Variants in KANK3 observed in about 807,000 individuals in gnomAD.
KANK3 encodes KN motif and ankyrin repeat domain-containing protein 3.
A neutral mutation model predicts 65.4 loss-of-function variants in KANK3; 61 were observed. The observed-to-expected ratio is 0.93, with a 90% CI of 0.76 to 1.15. The LOEUF (loss-of-function observed/expected upper bound fraction) is 1.15, where lower values mean the gene tolerates loss of function less well. KANK3 is among the 50% of genes most tolerant of loss of function. KANK3 has a pLI of 0.00. For missense variants in KANK3, 1,187 were observed against 1,178.8 expected (o/e 1.01, Z -0.10); for synonymous variants, 586 against 543.3 (o/e 1.08, Z -1.09).
chr19:8,335,446 G>T lies in KANK3; in HGVS notation c.381C>A (p.Asn127Lys). 8.2e-7 allele frequency: 1 copy of T among 1,223,118 alleles called. No individual in the cohort carries two copies. Among genetic ancestry groups the T allele is most frequent in the Non-Finnish European group, 1.0e-6 (1 of 980,528 alleles). The allele number at this position is 1,223,118 out of a possible 1,614,324, so 75.8% of individuals were successfully genotyped here. Residue 127 changes from asparagine (N) to lysine (K), a missense_variant, in exon 3 of 11, where the codon AAC becomes AAA. Physicochemically the swap from Asn to Lys is moderately conservative, Grantham distance 94. This residue lies in a region of KANK3 where 1,078 missense variants were observed against 1,038.2 expected (regional missense o/e 1.04). Coordinates refer to ENST00000330915, the MANE Select transcript of KANK3 (RefSeq NM_198471.3). ...QPLSPRAPVR[N>K]PRVEHTLRET... Reference sequence around the variant, plus strand: ...CCCGGAGCGTGTGCTCGACGCGCGGGTTGCGCACGGGCGCGCGCGGCGACA... The same window carrying T: ...CCCGGAGCGTGTGCTCGACGCGCGGTTTGCGCACGGGCGCGCGCGGCGACA...
At chr19:8,326,631 C>CAAAAAA (rs1206711323) in intron 7 of KANK3, among the ~76,000 whole-genome samples, 61 of 128,418 alleles carry the variant, frequency 4.8e-4, no homozygotes, top group African/African-American at 1.7e-3. Flanking sequence ...ACTAAAAATA[C>CAAAAAA]AAAAAAAAAA....
In KANK3 at chr19:8,333,971, C is replaced by A. The variant is rs542991221; in HGVS notation, c.1573G>T (p.Gly525Trp). The change falls in exon 5 of 11, where the codon GGG becomes TGG. Residue 525 changes from glycine to tryptophan, a missense_variant. Transcript: ENST00000330915. The surrounding 1 kb of genome is among the most constrained non-coding windows in gnomAD (Gnocchi z 5.0). ...DSGTPGPPSG[G>W]DIRDPEPEAE... ...TCGGGCTCAGGGTCCCGGATGTCCC[C>A]GCCGCTGGGAGGGCCAGGGGTGCCC... is the stretch of plus-strand genomic sequence containing the variant. The A allele has an allele frequency of 3.2e-6, 5 of 1,569,496 alleles. No homozygotes were observed. The African/African-American group carries it at 6.8e-5, about 21-fold the overall frequency.
rs1280586764 is a variant in KANK3 at position 8,324,501 on chromosome 19, T to A, written c.2330A>T (p.Glu777Val). Residue 777 changes from glutamate to valine, a missense_variant, in exon 10 of 11, where the codon GAG becomes GTG. By Grantham distance (121) the Glu-to-Val change is moderately radical. Transcript: ENST00000330915. Reference protein sequence around the residue: ...LAIALEAEQDEVAALLHAHLS... With the variant: ...LAIALEAEQDVVAALLHAHLS... ...GTGGGCATGTAGCAGAGCGGCCACC[T>A]CATCCTGCTCAGCCTCCAGGGCGAT... 1 of 1,613,270 alleles carries A rather than the reference T, an allele frequency of 6.2e-7. No homozygotes were observed. Among genetic ancestry groups the A allele is most frequent in the Non-Finnish European group, 8.5e-7 (1 of 1,179,688 alleles).
chr19:8,338,873 CAAAAAA>C (rs35505826), intron 1 of KANK3, among the ~76,000 whole-genome samples: 4 of 18,908 alleles, frequency 2.1e-4, no homozygotes, highest in African/African-American at 6.8e-4. Flanking sequence ...GATTCCGTCT[CAAAAAA>C]AAAAAAAAAA....
chr19:8,332,987 T>TTGGGGGGGC, intron 7 of KANK3, 27 bp downstream of exon 7: 2 of 395,194 alleles, frequency 5.1e-6, no homozygotes, highest in Non-Finnish European at 9.5e-6. Flanking sequence ...TTTCCTGGTG[T>TTGGGGGGGC]CCCACCCACC....
Position 8,335,349 on chromosome 19 carries a change from T to C in KANK3, c.478A>G (p.Ser160Gly). 8.4e-7 allele frequency: 1 copy of C among 1,194,042 alleles called. No individual in the cohort carries two copies. Among genetic ancestry groups the C allele is most frequent in the Non-Finnish European group, 1.0e-6 (1 of 964,116 alleles). 74.0% of individuals were successfully genotyped at this position (1,194,042 alleles called of 1,614,324 possible). ...APSPGRGVPR[S>G]PRGSGRSSPA... Reference sequence around the variant, plus strand: ...CTGCTGCGGCCGGACCCGCGTGGGCTGCGCGGGACCCCGCGGCCGGGGCTG... The same window carrying C: ...CTGCTGCGGCCGGACCCGCGTGGGCCGCGCGGGACCCCGCGGCCGGGGCTG... The change falls in exon 3 of 11, where the codon AGC becomes GGC. Residue 160 changes from serine to glycine, a missense_variant. Physicochemically the swap from Ser to Gly is moderately conservative, Grantham distance 56 (BLOSUM62 0). Transcript: ENST00000330915.
intron 7 of KANK3, among the ~76,000 whole-genome samples, chr19:8,327,506 C>T (rs1970449468): frequency 6.6e-6 from 1 of 152,132 alleles, no homozygotes. Flanking sequence ...TGGTGTGCGC[C>T]TGTAGTCCCA....
intron 2 of KANK3, among the ~76,000 whole-genome samples, chr19:8,336,589 CATAT>C (rs1970642773): frequency 4.3e-5 from 2 of 46,674 alleles, no homozygotes; most frequent in Non-Finnish European, 8.3e-5. Flanking sequence ...TATATATACA[CATAT>C]ACATATATAT....
intron 7 of KANK3, 124 bp from the exon 8 acceptor site, chr19:8,325,220 A>G (rs757623990): frequency 1.8e-4 from 183 of 1,017,152 alleles, no homozygotes; most frequent in Non-Finnish European, 2.4e-4. Context: ...TTCTCCCCAC[A>G]ATAGCTACCT....
chr19:8,335,219 TG>T lies in KANK3; in HGVS notation c.607del (p.Gln203ArgfsTer138). 8.2e-7 allele frequency: 1 copy of T among 1,221,884 alleles called. No homozygotes were observed. Among genetic ancestry groups the T allele is most frequent in the Non-Finnish European group, 1.0e-6 (1 of 980,792 alleles). 75.7% of individuals were successfully genotyped at this position (1,221,884 alleles called of 1,614,324 possible). ...ALRRLRELED[Q>X]ARTLPELQEQ... ...CTGCAGCTCGGGCAGCGTTCGCGCC[TG>T]GTCCTCGAGCTCGCGCAGGCGCCGC... On this transcript the variant is annotated frameshift_variant, in exon 3 of 11. Coordinates refer to ENST00000330915, the MANE Select transcript of KANK3 (RefSeq NM_198471.3). LOFTEE classifies it high-confidence loss of function.
At chr19:8,328,265 G>T (rs1829804617) in intron 7 of KANK3, among the ~76,000 whole-genome samples, 2 of 151,960 alleles carry the variant, frequency 1.3e-5, no homozygotes, top group Non-Finnish European at 2.9e-5. Context: ...AATTTAAAAA[G>T]AATCACCCTT....
At position 8,334,321 on chromosome 19, in the gene KANK3, C is replaced by G; in HGVS notation, c.1426G>C (p.Glu476Gln). The change falls in exon 4 of 11, where the codon GAG (glutamate) becomes CAG (glutamine). Residue 476 changes from glutamate to glutamine, a missense_variant and splice_region_variant. Physicochemically the swap from Glu to Gln is conservative, Grantham distance 29 (BLOSUM62 2). Transcript: ENST00000330915. ...CCACAGGAGGGGAAAGGCGCTCACT[C>G]TCCGTTGAGGACCCCAACAAACTGC... ...SLQFVGVLNG[E>Q]YESSSSEDAS... The G allele has an allele frequency of 6.2e-7, 1 of 1,614,062 alleles. No individual in the cohort carries two copies. The highest frequency in any genetic ancestry group is 8.5e-7 in the Non-Finnish European group (1 of 1,179,994).
At position 8,333,208 on chromosome 19, in the gene KANK3, T is replaced by C; in HGVS notation, c.1742A>G (p.Gln581Arg). The change falls in exon 7 of 11, where the codon CAG becomes CGG. Residue 581 changes from glutamine (Q) to arginine (R), a missense_variant. Coordinates refer to ENST00000330915, the MANE Select transcript of KANK3 (RefSeq NM_198471.3). This position sits in a 1 kb window ranked among gnomAD's most constrained non-coding sequence, Gnocchi z 5.0. ...CTGGCTGGACACTCGAAACCACTCC[T>C]GGGCCACGAGGCGCACTGCGCCCTG... ...SDGGAVRLVA[Q>R]EWFRVSSQRR... The C allele has an allele frequency of 6.2e-7, 1 of 1,611,842 alleles. No individual in the cohort carries two copies. The highest frequency in any genetic ancestry group is 1.7e-4 in the Middle Eastern group (1 of 5,948).
In KANK3 at chr19:8,339,117, C is replaced by G. The variant is rs115781683; in HGVS notation, c.-28-1261G>C. On this transcript the variant is annotated intron_variant, in intron 1 of 10. Coordinates refer to ENST00000330915, the MANE Select transcript of KANK3 (RefSeq NM_198471.3). ...AACACCTGGGTTGTCAGAGCTGTGACTATTCATGGGGCTGCCTGGGAAAGT... is the reference window on the plus strand; with the variant it reads ...AACACCTGGGTTGTCAGAGCTGTGAGTATTCATGGGGCTGCCTGGGAAAGT... Among the ~76,000 whole-genome samples, 935 of 152,122 alleles carry G rather than the reference C, an allele frequency of 6.1e-3. 16 individuals carry two copies. The highest frequency in any genetic ancestry group is 0.022 in the African/African-American group (895 of 41,474).
chr19:8,343,073 G>A (rs1970741111), intron 1 of KANK3, among the ~76,000 whole-genome samples, 152 bp downstream of exon 1: 2 of 152,156 alleles, frequency 1.3e-5, no homozygotes, highest in African/African-American at 2.4e-5. Context: ...ATGTGGGAGG[G>A]GTCCCGGCCA....
chr19:8,342,254 A>G (rs1970730576), intron 1 of KANK3, among the ~76,000 whole-genome samples: 1 of 151,992 alleles, frequency 6.6e-6, no homozygotes, highest in Non-Finnish European at 1.5e-5. Context: ...TGACCTCCCA[A>G]AGTGCTGGGA....
At chr19:8,332,965 T>TCCAC in intron 7 of KANK3, 49 bp downstream of exon 7, 1 of 1,128,448 alleles carries the variant, frequency 8.9e-7, no homozygotes, top group Non-Finnish European at 1.3e-6. Flanking sequence ...CCCTGCCCTC[T>TCCAC]CCCCCCACCC....
rs1044076450 is a variant in KANK3, at chr19:8,333,670, G to A, written c.1719+54C>T. ...TGTGCTCCCCTAAGTGGGCGTCAGAGGTCCTTGGAGGCTCCCACGCCACTC... is the reference window on the plus strand; with the variant it reads ...TGTGCTCCCCTAAGTGGGCGTCAGAAGTCCTTGGAGGCTCCCACGCCACTC... On this transcript the variant is annotated intron_variant, in intron 6 of 10. Coordinates refer to ENST00000330915, the MANE Select transcript of KANK3 (RefSeq NM_198471.3). The surrounding 1 kb of genome is among the most constrained non-coding windows in gnomAD (Gnocchi z 5.0). 1 of 1,370,188 alleles carries A rather than the reference G, an allele frequency of 7.3e-7. No homozygotes were observed. The highest frequency in any genetic ancestry group is 9.6e-7 in the Non-Finnish European group (1 of 1,044,408). The allele number at this position is 1,370,188 out of a possible 1,614,324, so 84.9% of individuals were successfully genotyped here. A position where few individuals can be genotyped will look rare whatever the true frequency, so the allele number is the denominator to read the frequency against.
intron 7 of KANK3, among the ~76,000 whole-genome samples, chr19:8,327,052 C>T (rs1282829578): frequency 6.6e-6 from 1 of 152,088 alleles, no homozygotes; most frequent in Non-Finnish European, 1.5e-5. Flanking sequence ...ATCCCTGTCT[C>T]CTGCCATTCT....
Sources: gnomAD v4.1 joint callset for allele counts (sites outside exome capture counted in the v4.1 genomes callset) on GRCh38, gnomAD v4.1.1 for gene constraint, gnomAD v4.1.1 regional missense constraint, Gnocchi (gnomAD v3.1) non-coding constraint, MANE v1.5 for transcripts, NCBI Gene and HGNC (gene_info 2026-07-23, HGNC 2026-07-21) for gene names.